Variants in FTO observed in about 807,000 individuals in gnomAD.
FTO encodes alpha-ketoglutarate-dependent dioxygenase FTO.
FTO carries 47 observed loss-of-function variants against 63.9 expected under a neutral mutation model. The ratio of observed to expected loss-of-function variants is 0.74; its 90% confidence interval spans 0.58 to 0.94. The LOEUF (loss-of-function observed/expected upper bound fraction) is 0.94, where lower values mean the gene tolerates loss of function less well. FTO is among the 40% of genes least tolerant of loss of function. The pLI is 0.00. For missense variants in FTO, 562 were observed against 618.1 expected, an observed-to-expected ratio of 0.91 and a Z score of 0.96; for synonymous variants, 207 against 224.4, an observed-to-expected ratio of 0.92 and a Z score of 0.69.
At chr16:53,720,509 A>G (rs186869090) in intron 1 of FTO, among the ~76,000 whole-genome samples, 1 of 151,478 alleles carries the variant, frequency 6.6e-6, no homozygotes, top group East Asian at 1.9e-4. Flanking sequence ...GTACATAGTG[A>G]TGTTTTGATA....
intron 1 of FTO, among the ~76,000 whole-genome samples, chr16:53,748,311 C>CTTAGTTGTATCATCTTCAGTATACAACT (rs2076695078): frequency 6.6e-6 from 1 of 152,002 alleles, no homozygotes; most frequent in Non-Finnish European, 1.5e-5. Flanking sequence ...ATATCATTTA[C>CTTAGTTGTATCATCTTCAGTATACAACT]TTAGTTGTAT....
At chr16:54,106,976 A>G (rs1599378190) in intron 8 of FTO, among the ~76,000 whole-genome samples, 1 of 144,884 alleles carries the variant, frequency 6.9e-6, no homozygotes, top group African/African-American at 2.5e-5. Context: ...TCTTCCTCCT[A>G]AATTTGTATT....
intron 1 of FTO, among the ~76,000 whole-genome samples, chr16:53,807,432 T>C (rs1176940582): frequency 1.3e-5 from 2 of 152,212 alleles, no homozygotes; most frequent in African/African-American, 4.8e-5. Context: ...AAGTGGTGGT[T>C]GTTACAAGAA....
intron 1 of FTO, 39 bp from the exon 2 acceptor site, chr16:53,810,101 T>C (rs1278140495): frequency 3.7e-6 from 5 of 1,356,566 alleles, no homozygotes; most frequent in East Asian, 2.3e-5. Flanking sequence ...CTTTGGGTTA[T>C]TGCATATTCA....
rs572838874 is a variant in FTO at position 54,112,102 on chromosome 16, A to T, written c.*187A>T. 1.5e-6 allele frequency: 1 copy of T among 647,076 alleles called. No homozygotes were observed. Among genetic ancestry groups the T allele is most frequent in the South Asian group, 1.8e-5 (1 of 54,604 alleles). The allele number at this position is 647,076 out of a possible 1,614,324, so 40.1% of individuals were successfully genotyped here. On this transcript the variant is annotated 3_prime_UTR_variant, in exon 9 of 9. Transcript: ENST00000471389. Reference sequence around the variant, plus strand: ...AAATGTTTTAAAATGACCCTGTGTTATAGTCTGATTTGGTGTTAAACAGGA... The same window carrying T: ...AAATGTTTTAAAATGACCCTGTGTTTTAGTCTGATTTGGTGTTAAACAGGA...
At chr16:53,773,337 A>G (rs968023306) in intron 1 of FTO, among the ~76,000 whole-genome samples, 5 of 152,112 alleles carry the variant, frequency 3.3e-5, no homozygotes, top group Non-Finnish European at 5.9e-5. Flanking sequence ...ACTAGGTGGC[A>G]CTGAAGTATC....
intron 4 of FTO, among the ~76,000 whole-genome samples, chr16:53,861,196 G>T (rs1433299460): frequency 6.6e-6 from 1 of 152,044 alleles, no homozygotes; most frequent in African/African-American, 2.4e-5. Flanking sequence ...CCTTGGTGAG[G>T]TATTATGGTG....
At chr16:53,893,686 G>T (rs1344498) in intron 7 of FTO, among the ~76,000 whole-genome samples, 47,694 of 151,722 alleles carry the variant, frequency 0.31, 9,012 homozygotes, top group East Asian at 0.76. Context: ...GGTCAATTTG[G>T]TATAATCCAG....
At chr16:53,737,963 T>C (rs1019769982) in intron 1 of FTO, among the ~76,000 whole-genome samples, 2 of 152,112 alleles carry the variant, frequency 1.3e-5, no homozygotes, top group African/African-American at 4.8e-5. Flanking sequence ...TTTCTTTTTT[T>C]TCTTTTTTGA....
At chr16:53,848,129 T>C (rs904236966) in intron 4 of FTO, among the ~76,000 whole-genome samples, 2 of 152,168 alleles carry the variant, frequency 1.3e-5, no homozygotes, top group Admixed American at 1.3e-4. Flanking sequence ...CTTCATCTCT[T>C]TTTTTTAAAA....
chr16:53,775,966 G>A (rs566614035), intron 1 of FTO, among the ~76,000 whole-genome samples: 2 of 152,088 alleles, frequency 1.3e-5, no homozygotes, highest in East Asian at 3.9e-4. Flanking sequence ...TATTTGTTGT[G>A]GATTGATTTG....
intron 7 of FTO, among the ~76,000 whole-genome samples, chr16:53,927,941 T>C (rs2082186525): frequency 6.6e-6 from 1 of 152,194 alleles, no homozygotes; most frequent in South Asian, 2.1e-4. Flanking sequence ...TTTTCAGGAA[T>C]CCCTTTGTTA....
chr16:54,111,097 G>C (rs541829630), intron 8 of FTO, among the ~76,000 whole-genome samples: 1 of 152,096 alleles, frequency 6.6e-6, no homozygotes, highest in Non-Finnish European at 1.5e-5. Context: ...AATAAAAACC[G>C]TGATTTAAGT....
chr16:53,891,356 T>TA (rs1002490243), intron 7 of FTO, among the ~76,000 whole-genome samples: 3 of 151,648 alleles, frequency 2.0e-5, no homozygotes, highest in East Asian at 1.9e-4. Flanking sequence ...CTTTTTTTTT[T>TA]TTATTTTTTT....
chr16:53,928,487 A>G (rs555295228), intron 7 of FTO, among the ~76,000 whole-genome samples: 1 of 152,336 alleles, frequency 6.6e-6, no homozygotes, highest in South Asian at 2.1e-4. Context: ...AAAATATCAC[A>G]TTAATTGCCC....
At chr16:53,888,750 G>T in intron 6 of FTO, 82 bp from the exon 7 acceptor site, 2 of 1,460,042 alleles carry the variant, frequency 1.4e-6, no homozygotes, top group Non-Finnish European at 1.9e-6. Context: ...GTTACTGGAG[G>T]AGAATTAAGA....
chr16:53,877,551 A>G (rs1161937837), intron 5 of FTO, among the ~76,000 whole-genome samples: 3 of 152,196 alleles, frequency 2.0e-5, no homozygotes, highest in African/African-American at 7.2e-5. Context: ...GGTAGAAATC[A>G]GTTGGGGTTG....
intron 8 of FTO, among the ~76,000 whole-genome samples, chr16:54,021,754 C>A (rs1489011873): frequency 6.6e-6 from 1 of 152,022 alleles, no homozygotes; most frequent in Non-Finnish European, 1.5e-5. Flanking sequence ...TCCCAAAGTG[C>A]CAAGATTACA....
rs1165543051 is a variant in FTO at position 53,796,174 on chromosome 16, A to G, written c.46-13966A>G. On this transcript the variant is annotated intron_variant, in intron 1 of 8. Coordinates refer to ENST00000471389, the MANE Select transcript of FTO (RefSeq NM_001080432.3). ...ATTCTCCTGCCTCAGCCTCCCGAGTAGCTGGGATTACAGACATGTGCCACC... is the reference window on the plus strand; with the variant it reads ...ATTCTCCTGCCTCAGCCTCCCGAGTGGCTGGGATTACAGACATGTGCCACC... Among the ~76,000 whole-genome samples the G allele has an allele frequency of 4.6e-5, 7 of 151,620 alleles. No individual in the cohort carries two copies. In the East Asian group the frequency reaches 1.4e-3, roughly 30 times the overall value.
Sources: gnomAD v4.1 joint callset for allele counts (sites outside exome capture counted in the v4.1 genomes callset) on GRCh38, gnomAD v4.1.1 for gene constraint, MANE v1.5 for transcripts, NCBI Gene and HGNC (gene_info 2026-07-23, HGNC 2026-07-21) for gene names.